The following VPS53 variants were observed in gnomAD, a reference collection of about 807,000 sequenced individuals.
VPS53 encodes VPS53 subunit of GARP complex.
Under a neutral mutation model 107.0 loss-of-function variants are expected in VPS53, and 70 were observed. The ratio of observed to expected loss-of-function variants is 0.65; its 90% confidence interval spans 0.54 to 0.80. The LOEUF (loss-of-function observed/expected upper bound fraction) is 0.80, where lower values mean the gene tolerates loss of function less well. Ranked by LOEUF, VPS53 falls within the 30% of genes least tolerant of loss-of-function variation. VPS53 has a pLI of 0.00. For missense variants in VPS53, 917 were observed against 1,049.4 expected, an observed-to-expected ratio of 0.87 and a Z score of 1.74; for synonymous variants, 409 against 393.3, an observed-to-expected ratio of 1.04 and a Z score of -0.47.
chr17:665,511 T>C (rs765588832), intron 4 of VPS53, among the ~76,000 whole-genome samples: 4 of 152,180 alleles, frequency 2.6e-5, no homozygotes, highest in Non-Finnish European at 5.9e-5. Context: ...CTATAGTAAA[T>C]ACCTGAAAAC....
At position 655,267 on chromosome 17, in the gene VPS53, T is replaced by G. The variant is rs1028218677; in HGVS notation, c.488+571A>C. Among the ~76,000 whole-genome samples, 4 of 152,148 alleles carry G rather than the reference T, an allele frequency of 2.6e-5. No individual in the cohort carries two copies. In the South Asian group the frequency reaches 8.3e-4, roughly 32 times the overall value. On this transcript the variant is annotated intron_variant, in intron 6 of 21. Coordinates refer to ENST00000437048, the MANE Select transcript of VPS53 (RefSeq NM_001128159.3). ...CCAGCTCTTCCTTCTCTATTTCTAA[T>G]GTTCTGATGTATCATTCCCTCTACA...
intron 11 of VPS53, among the ~76,000 whole-genome samples, chr17:607,365 C>T (rs145401764): frequency 2.2e-3 from 331 of 152,304 alleles, no homozygotes; most frequent in African/African-American, 7.5e-3. Context: ...CCCCAGTCTA[C>T]AACAACGCAC....
intron 4 of VPS53, among the ~76,000 whole-genome samples, chr17:694,595 A>T (rs945983231): frequency 3.3e-5 from 5 of 152,252 alleles, no homozygotes; most frequent in African/African-American, 1.2e-4. Flanking sequence ...TATTCCCAGT[A>T]GCAGCAAGTT....
chr17:601,759 G>A (rs750686520), intron 12 of VPS53, 36 bp downstream of exon 12: 24 of 1,503,610 alleles, frequency 1.6e-5, no homozygotes, highest in Non-Finnish European at 2.1e-5. Flanking sequence ...AACGCACATT[G>A]GGTAGGTTAC....
At position 537,228 on chromosome 17, in the gene VPS53, G is replaced by A. The variant is rs138877126; in HGVS notation, c.1867-52C>T. 2,302 of 1,591,570 alleles carry A rather than the reference G, an allele frequency of 1.4e-3. 24 individuals are homozygous for A. The highest frequency in any genetic ancestry group is 7.4e-3 in the African/African-American group (552 of 74,646). ...GAATCCCTCGCAGGAGAACGGTGTC[G>A]CCTGTTACTGGGGAAGGGAGGGGCT... On this transcript the variant is annotated intron_variant, in intron 17 of 21. Transcript: ENST00000437048.
intron 8 of VPS53, 94 bp from the exon 9 acceptor site, chr17:628,325 T>A: frequency 7.0e-7 from 1 of 1,430,252 alleles, no homozygotes. Context: ...CTACGCATTG[T>A]CAGTCTTACT....
chr17:655,510 T>C (rs191010564), intron 6 of VPS53, among the ~76,000 whole-genome samples: 1 of 151,352 alleles, frequency 6.6e-6, no homozygotes, highest in Non-Finnish European at 1.5e-5. Flanking sequence ...TATGGGCCTG[T>C]GTCACTCTGT....
Position 659,434 on chromosome 17 carries a change from C to T in VPS53, c.372+2375G>A, listed in dbSNP as rs573371501. On this transcript the variant is annotated intron_variant, in intron 5 of 21. Transcript: ENST00000437048. ...TAGCTGGGATTACAGGTGTGCTCCA[C>T]GACGCCTGGTTAATTTTTGTATTTT... is the stretch of plus-strand genomic sequence containing the variant. 1.1e-3 allele frequency among the ~76,000 whole-genome samples: 170 copies of T among 152,296 alleles called. 1 individual carries two copies. Among genetic ancestry groups the T allele is most frequent in the African/African-American group, 3.7e-3 (152 of 41,574 alleles).
At chr17:565,219 T>C (rs763838519) in intron 13 of VPS53, among the ~76,000 whole-genome samples, 196 of 151,658 alleles carry the variant, frequency 1.3e-3, no homozygotes, top group African/African-American at 3.5e-3. Context: ...CTGACCAACA[T>C]AGAGAAACCC....
intron 13 of VPS53, among the ~76,000 whole-genome samples, chr17:582,706 T>C (rs1479052551): frequency 4.1e-5 from 6 of 146,448 alleles, no homozygotes; most frequent in African/African-American, 1.5e-4. Flanking sequence ...CAGAACCTAA[T>C]GCGTTCCGAG....
chr17:689,057 G>T (rs1200781281), intron 4 of VPS53, among the ~76,000 whole-genome samples: 1 of 152,200 alleles, frequency 6.6e-6, no homozygotes, highest in East Asian at 1.9e-4. Context: ...GTAGGAAGAA[G>T]CAAGTAGCAA....
rs1309988865 is a variant in VPS53 at position 516,958 on chromosome 17, A to G, written c.*2170T>C. 6.5e-6 allele frequency: 1 copy of G among 153,728 alleles called. No individual in the cohort carries two copies. Among genetic ancestry groups the G allele is most frequent in the Non-Finnish European group, 1.4e-5 (1 of 69,092 alleles). The allele number at this position is 153,728 out of a possible 1,614,324, so 9.5% of individuals were successfully genotyped here. A position where few individuals can be genotyped will look rare whatever the true frequency, so the allele number is the denominator to read the frequency against. On this transcript the variant is annotated 3_prime_UTR_variant, in exon 22 of 22. Transcript: ENST00000437048. ...AAAGAGAAGTGGTGATCTGTACACA[A>G]ACGCCAGGAGTGACAAGAACCAGGT...
chr17:532,622 T>A, intron 19 of VPS53: 1 of 1,204,264 alleles, frequency 8.3e-7, no homozygotes, highest in Non-Finnish European at 1.1e-6. Flanking sequence ...GTGCTTGCTG[T>A]GTTATACCCT....
At chr17:633,208 C>T (rs1005176614) in intron 7 of VPS53, among the ~76,000 whole-genome samples, 2 of 152,188 alleles carry the variant, frequency 1.3e-5, no homozygotes, top group South Asian at 2.1e-4. Flanking sequence ...AATCACGTCC[C>T]GCAATCGATC....
At chr17:674,081 A>G (rs1972064761) in intron 4 of VPS53, 1 of 152,222 alleles carries the variant, frequency 6.6e-6, no homozygotes. Context: ...TCCTTTGACG[A>G]AAGGTAACCC....
Position 517,587 on chromosome 17 carries a change from T to C in VPS53, c.*1541A>G, listed in dbSNP as rs1908398277. ...CAGGCTGGAGTGCAGTGGTGAAATC[T>C]TGGCTCACTGCAGCCTCCACCTCCC... On this transcript the variant is annotated 3_prime_UTR_variant, in exon 22 of 22. Transcript: ENST00000437048. The C allele has an allele frequency of 2.5e-6, 1 of 393,716 alleles. No individual in the cohort carries two copies. 24.4% of individuals were successfully genotyped at this position (393,716 alleles called of 1,614,324 possible).
chr17:532,997 T>C, intron 18 of VPS53, 86 bp from the exon 19 acceptor site: 2 of 1,516,280 alleles, frequency 1.3e-6, no homozygotes, highest in Non-Finnish European at 8.9e-7. Context: ...CGTATCTCCA[T>C]GAAAAAACCT....
At chr17:684,525 A>G (rs186307968) in intron 4 of VPS53, among the ~76,000 whole-genome samples, 99 of 152,354 alleles carry the variant, frequency 6.5e-4, no homozygotes, top group African/African-American at 2.4e-3. Flanking sequence ...ACTAAAAACT[A>G]AAACACACTG....
At chr17:696,897 A>G (rs1181591242) in intron 4 of VPS53, among the ~76,000 whole-genome samples, 1 of 145,138 alleles carries the variant, frequency 6.9e-6, no homozygotes, top group East Asian at 2.0e-4. Context: ...GGTTCAAGTG[A>G]CTCTCATGCC....
Sources: gnomAD v4.1 joint callset for allele counts (sites outside exome capture counted in the v4.1 genomes callset) on GRCh38, gnomAD v4.1.1 for gene constraint, MANE v1.5 for transcripts, NCBI Gene and HGNC (gene_info 2026-07-23, HGNC 2026-07-21) for gene names.